TAFA5: variants seen among roughly 807,000 people sequenced by gnomAD.
TAFA5 encodes chemokine-like protein TAFA-5.
TAFA5 carries 6 observed loss-of-function variants against 15.3 expected under a neutral mutation model. That is an observed-to-expected ratio of 0.39 (90% CI 0.21 to 0.77). TAFA5 has a LOEUF of 0.77. TAFA5 is among the 30% of genes least tolerant of loss of function. The pLI is 0.41. For synonymous variants in TAFA5, 103 were observed against 80.7 expected, an observed-to-expected ratio of 1.28 and a Z score of -1.48; for missense variants, 161 against 193.1, an observed-to-expected ratio of 0.83 and a Z score of 0.98.
At chr22:48,702,005 G>A (rs1487853761) in intron 2 of TAFA5, among the ~76,000 whole-genome samples, 3 of 152,216 alleles carry the variant, frequency 2.0e-5, no homozygotes, top group Admixed American at 6.5e-5. Flanking sequence ...GGGACCTGGG[G>A]TGGTGGAAGG....
intron 2 of TAFA5, among the ~76,000 whole-genome samples, chr22:48,648,851 G>A (rs1926957789): frequency 6.6e-6 from 1 of 152,182 alleles, no homozygotes; most frequent in South Asian, 2.1e-4. Context: ...AAAAAAGAAT[G>A]CTGGTATCAC....
intron 3 of TAFA5, among the ~76,000 whole-genome samples, chr22:48,740,551 C>T (rs541242516): frequency 6.6e-6 from 1 of 152,346 alleles, no homozygotes; most frequent in South Asian, 2.1e-4. Context: ...GTACTGTCTC[C>T]TTCCTAACGT....
At chr22:48,616,395 A>G (rs1401990716) in intron 1 of TAFA5, among the ~76,000 whole-genome samples, 2 of 152,178 alleles carry the variant, frequency 1.3e-5, no homozygotes, top group African/African-American at 4.8e-5. Flanking sequence ...GTGCTGCTGG[A>G]TGAAGTGCAC....
intron 2 of TAFA5, among the ~76,000 whole-genome samples, chr22:48,647,119 G>A (rs1034976933): frequency 4.6e-5 from 7 of 152,178 alleles, no homozygotes; most frequent in Non-Finnish European, 7.4e-5. Context: ...CATCGTCTGC[G>A]TGTGGTCTGG....
chr22:48,660,528 T>C (rs201468958), intron 2 of TAFA5, among the ~76,000 whole-genome samples: 1,900 of 152,294 alleles, frequency 0.012, 23 homozygotes, highest in Non-Finnish European at 0.02. Flanking sequence ...GACAATTCTT[T>C]CCAGCCGATA....
intron 1 of TAFA5, among the ~76,000 whole-genome samples, chr22:48,522,473 C>T (rs1248721985): frequency 6.6e-6 from 1 of 152,104 alleles, no homozygotes; most frequent in Non-Finnish European, 1.5e-5. Context: ...CTGGTGGGGG[C>T]TGGTGGGCTC....
intron 1 of TAFA5, among the ~76,000 whole-genome samples, chr22:48,534,881 G>A (rs750059079): frequency 2.0e-5 from 3 of 152,158 alleles, no homozygotes; most frequent in Admixed American, 6.5e-5. Flanking sequence ...GATGGAGGTC[G>A]GTGCCCATTG....
At chr22:48,570,689 C>T (rs989486599) in intron 1 of TAFA5, among the ~76,000 whole-genome samples, 4 of 152,178 alleles carry the variant, frequency 2.6e-5, no homozygotes, top group African/African-American at 7.2e-5. Context: ...TCTTTTCATT[C>T]CTCTATTATG....
chr22:48,615,001 A>G (rs1397321815), intron 1 of TAFA5, among the ~76,000 whole-genome samples: 2 of 151,934 alleles, frequency 1.3e-5, no homozygotes, highest in Non-Finnish European at 2.9e-5. Context: ...TACCTGGGGG[A>G]TTCATCCTTT....
chr22:48,578,731 C>A (rs1204474219), intron 1 of TAFA5, among the ~76,000 whole-genome samples: 1 of 152,228 alleles, frequency 6.6e-6, no homozygotes, highest in East Asian at 1.9e-4. Context: ...CTGGGTTGAG[C>A]CCTGCTGCCT....
chr22:48,626,505 A>G (rs1318631933), intron 1 of TAFA5, among the ~76,000 whole-genome samples: 10 of 152,122 alleles, frequency 6.6e-5, no homozygotes, highest in African/African-American at 2.4e-4. Context: ...GTTCATTCAG[A>G]TCCTTTGCCC....
chr22:48,627,324 G>A (rs1394473691), intron 1 of TAFA5, among the ~76,000 whole-genome samples: 4 of 152,224 alleles, frequency 2.6e-5, no homozygotes, highest in Non-Finnish European at 5.9e-5. Context: ...CACTGTCCCC[G>A]GAGCCAGCAC....
At chr22:48,600,586 G>T (rs28382352) in intron 1 of TAFA5, among the ~76,000 whole-genome samples, 156 of 152,132 alleles carry the variant, frequency 1.0e-3, no homozygotes, top group Non-Finnish European at 1.5e-3. Flanking sequence ...GTGCATCTTC[G>T]TTGGCGACAC....
chr22:48,489,812 G>T lies in TAFA5; in HGVS notation c.112+108G>T. On this transcript the variant is annotated intron_variant, in intron 1 of 3. Coordinates refer to ENST00000402357, the MANE Select transcript of TAFA5 (RefSeq NM_001082967.3). This position sits in a 1 kb window ranked among gnomAD's most constrained non-coding sequence, Gnocchi z 5.5. ...CCTCCCGGAGTCGGCGCGGAGTTAC[G>T]AGCGCCGGGCGCATGGTCCCCCGAG... The T allele has an allele frequency of 3.4e-6, 2 of 590,676 alleles. No individual in the cohort carries two copies. Among genetic ancestry groups the T allele is most frequent in the Non-Finnish European group, 5.1e-6 (2 of 388,436 alleles). The allele number at this position is 590,676 out of a possible 1,614,324, so 36.6% of individuals were successfully genotyped here. A position where few individuals can be genotyped will look rare whatever the true frequency, so the allele number is the denominator to read the frequency against.
In TAFA5 at chr22:48,642,910, T is replaced by G. The variant is rs138909693; in HGVS notation, c.113-3687T>G. 4.0e-4 allele frequency among the ~76,000 whole-genome samples: 61 copies of G among 152,260 alleles called. No individual in the cohort carries two copies. In the East Asian group the frequency reaches 0.011, roughly 27 times the overall value. On this transcript the variant is annotated intron_variant, in intron 1 of 3. Coordinates refer to ENST00000402357, the MANE Select transcript of TAFA5 (RefSeq NM_001082967.3). ...GAGCCAGGGAGCTCCACTCTAGAGC[T>G]CCACACACCCTGGCTCTTGGCTGCC... is the stretch of plus-strand genomic sequence containing the variant.
chr22:48,569,402 G>T (rs1298376394), intron 1 of TAFA5, among the ~76,000 whole-genome samples: 2 of 152,214 alleles, frequency 1.3e-5, no homozygotes, highest in African/African-American at 4.8e-5. Flanking sequence ...TGTTTGGGGT[G>T]TCTCCGGGGG....
At chr22:48,555,225 T>C (rs1922992353) in intron 1 of TAFA5, among the ~76,000 whole-genome samples, 2 of 152,302 alleles carry the variant, frequency 1.3e-5, no homozygotes, top group East Asian at 3.9e-4. Context: ...AATGAATGGA[T>C]ACTGGCTGGT....
intron 2 of TAFA5, among the ~76,000 whole-genome samples, chr22:48,693,902 C>G (rs1347933945): frequency 6.6e-6 from 1 of 152,220 alleles, no homozygotes; most frequent in African/African-American, 2.4e-5. Flanking sequence ...CCGGGTGTTT[C>G]CGCCGGGTGG....
chr22:48,677,688 G>T lies in TAFA5; in HGVS notation c.263-30029G>T, dbSNP rs577445054. On this transcript the variant is annotated intron_variant, in intron 2 of 3. Transcript: ENST00000402357. ...CAAGGCCCAGAGGAAGCAGCTCCTGGTTGGAAGTTTGCAGGAGGAACTTGA... is the reference window on the plus strand; with the variant it reads ...CAAGGCCCAGAGGAAGCAGCTCCTGTTTGGAAGTTTGCAGGAGGAACTTGA... Among the ~76,000 whole-genome samples, 10 of 152,306 alleles carry T rather than the reference G, an allele frequency of 6.6e-5. No individual in the cohort carries two copies. The South Asian group carries it at 2.1e-3, about 32-fold the overall frequency.
Sources: gnomAD v4.1 joint callset for allele counts (sites outside exome capture counted in the v4.1 genomes callset) on GRCh38, gnomAD v4.1.1 for gene constraint, Gnocchi (gnomAD v3.1) non-coding constraint, MANE v1.5 for transcripts, NCBI Gene and HGNC (gene_info 2026-07-23, HGNC 2026-07-21) for gene names.